PARD3B: variants seen among roughly 807,000 people sequenced by gnomAD.
PARD3B encodes the protein par-3 family cell polarity regulator beta, also known as partitioning defective 3 homolog B.
In PARD3B, 103 loss-of-function variants were observed where a neutral mutation model predicts 130.2. The observed-to-expected ratio is 0.79, with a 90% CI of 0.67 to 0.93. The LOEUF is 0.93. PARD3B is among the 40% of genes least tolerant of loss of function. PARD3B has a pLI of 0.00. For synonymous variants in PARD3B, 583 were observed against 553.2 expected (o/e 1.05, Z -0.76); for missense variants, 1,609 against 1,499.2 (o/e 1.07, Z -1.21).
intron 3 of PARD3B, among the ~76,000 whole-genome samples, chr2:204,978,347 T>C (rs374976664): frequency 5.2e-4 from 79 of 152,236 alleles, no homozygotes; most frequent in African/African-American, 1.9e-3. Flanking sequence ...GGAGTATCTC[T>C]ATTGGAATAT....
intron 1 of PARD3B, among the ~76,000 whole-genome samples, chr2:204,638,763 T>C (rs990317309): frequency 6.6e-5 from 10 of 152,216 alleles, no homozygotes; most frequent in African/African-American, 2.4e-4. Context: ...TGCTTTATCA[T>C]AGGATATCCT....
rs2031313298 is a variant in PARD3B at position 205,125,747 on chromosome 2, A to C, written c.1434+10A>C. The stretch of plus-strand genomic sequence containing the variant: ...TCTGCCCCGAGAGTTGGTAATGTTC[A>C]GATCTCAGTCTCACTGAATTTTTAA... On this transcript the variant is annotated intron_variant, in intron 10 of 22. Coordinates refer to ENST00000406610, the MANE Select transcript of PARD3B (RefSeq NM_001302769.2). The surrounding 1 kb of genome is among the most constrained non-coding windows in gnomAD (Gnocchi z 4.0). 2 of 1,613,772 alleles carry C rather than the reference A, an allele frequency of 1.2e-6. No homozygotes were observed. Among genetic ancestry groups the C allele is most frequent in the Non-Finnish European group, 1.7e-6 (2 of 1,179,850 alleles).
chr2:205,184,480 C>T (rs2035979503), intron 13 of PARD3B, among the ~76,000 whole-genome samples: 1 of 152,128 alleles, frequency 6.6e-6, no homozygotes, highest in Admixed American at 6.5e-5. Flanking sequence ...CGGTGGCTCA[C>T]GCCTGTAATC....
intron 4 of PARD3B, among the ~76,000 whole-genome samples, chr2:205,079,272 T>G (rs1014856009): frequency 5.3e-5 from 8 of 152,218 alleles, no homozygotes; most frequent in African/African-American, 1.9e-4. Context: ...ATTATTACCT[T>G]GTGTCTTAGT....
At chr2:204,602,678 G>C (rs1182688894) in intron 1 of PARD3B, among the ~76,000 whole-genome samples, 1 of 151,946 alleles carries the variant, frequency 6.6e-6, no homozygotes, top group Admixed American at 6.6e-5. Flanking sequence ...ATTGTGTAAA[G>C]GGCTCTGTGT....
intron 21 of PARD3B, among the ~76,000 whole-genome samples, chr2:205,512,874 ACCT>A (rs1242018008): frequency 6.6e-6 from 1 of 151,642 alleles, no homozygotes; most frequent in Non-Finnish European, 1.5e-5. Context: ...ATGTGGAGAC[ACCT>A]CCTTTTTTCT....
At chr2:204,927,291 G>A (rs1178959545) in intron 2 of PARD3B, among the ~76,000 whole-genome samples, 1 of 151,992 alleles carries the variant, frequency 6.6e-6, no homozygotes, top group Non-Finnish European at 1.5e-5. Context: ...AAGTCATGAG[G>A]GCAAAGCCCT....
intron 2 of PARD3B, among the ~76,000 whole-genome samples, chr2:204,724,027 C>A (rs2039112373): frequency 6.6e-6 from 1 of 152,104 alleles, no homozygotes; most frequent in Non-Finnish European, 1.5e-5. Context: ...GACCTTATGG[C>A]TAATGCCTTT....
At chr2:205,413,140 T>C (rs1005834949) in intron 19 of PARD3B, among the ~76,000 whole-genome samples, 7 of 152,168 alleles carry the variant, frequency 4.6e-5, no homozygotes, top group African/African-American at 1.7e-4. Context: ...GAGAAAACTT[T>C]CTGATCTTGA....
At position 205,160,628 on chromosome 2, in the gene PARD3B, A is replaced by G. The variant is rs1015349952; in HGVS notation, c.1620+1721A>G. On this transcript the variant is annotated intron_variant, in intron 11 of 22. Coordinates refer to ENST00000406610, the MANE Select transcript of PARD3B (RefSeq NM_001302769.2). This position sits in a 1 kb window ranked among gnomAD's most constrained non-coding sequence, Gnocchi z 4.0. Reference sequence around the variant, plus strand: ...CCATCTATAAAACTGGCTCAGAAATACATAAGCAGGAGCAAAAGCGAAATA... The same window carrying G: ...CCATCTATAAAACTGGCTCAGAAATGCATAAGCAGGAGCAAAAGCGAAATA... Among the ~76,000 whole-genome samples, 2 of 152,250 alleles carry G rather than the reference A, an allele frequency of 1.3e-5. No individual in the cohort carries two copies. The highest frequency in any genetic ancestry group is 4.8e-5 in the African/African-American group (2 of 41,462).
chr2:205,610,248 C>T (rs2055182083), intron 22 of PARD3B, among the ~76,000 whole-genome samples: 1 of 152,196 alleles, frequency 6.6e-6, no homozygotes, highest in African/African-American at 2.4e-5. Flanking sequence ...CCACCTTGAC[C>T]TCGGGTTCGT....
chr2:205,260,475 C>A (rs1223822176), intron 16 of PARD3B, among the ~76,000 whole-genome samples: 1 of 152,010 alleles, frequency 6.6e-6, no homozygotes, highest in African/African-American at 2.4e-5. Context: ...GTGACTTTTT[C>A]TTTATAAGTT....
At chr2:204,620,626 T>C (rs942362119) in intron 1 of PARD3B, among the ~76,000 whole-genome samples, 1 of 152,148 alleles carries the variant, frequency 6.6e-6, no homozygotes, top group African/African-American at 2.4e-5. Context: ...GAGAAGGTGT[T>C]AGAGTCAAGT....
chr2:204,578,045 C>G (rs911747073), intron 1 of PARD3B, among the ~76,000 whole-genome samples: 1 of 152,204 alleles, frequency 6.6e-6, no homozygotes, highest in Non-Finnish European at 1.5e-5. Flanking sequence ...AAGGATGCCG[C>G]TAAACATCTT....
intron 2 of PARD3B, among the ~76,000 whole-genome samples, chr2:204,762,523 G>A (rs546783962): frequency 7.4e-4 from 112 of 152,200 alleles, no homozygotes; most frequent in Non-Finnish European, 1.2e-3. Flanking sequence ...TTTAAGCCTT[G>A]ATTCATCTAT....
intron 1 of PARD3B, among the ~76,000 whole-genome samples, chr2:204,592,789 G>T (rs1407168852): frequency 6.6e-5 from 10 of 152,098 alleles, no homozygotes; most frequent in Admixed American, 5.9e-4. Flanking sequence ...ATTCCCACCA[G>T]CCCTTGACAA....
In PARD3B at chr2:205,116,229, C is replaced by T. The variant is rs192580364; in HGVS notation, c.680+2652C>T. Among the ~76,000 whole-genome samples the T allele has an allele frequency of 1.2e-4, 18 of 152,246 alleles. No homozygotes were observed. The East Asian group carries it at 3.3e-3, about 28-fold the overall frequency. ...CAATGTGGTTTTTGTGAATTAAAAA[C>T]ATGAAATCTAATTCGTTTCAGTACA... On this transcript the variant is annotated intron_variant, in intron 6 of 22. Coordinates refer to ENST00000406610, the MANE Select transcript of PARD3B (RefSeq NM_001302769.2). The surrounding 1 kb of genome is among the most constrained non-coding windows in gnomAD (Gnocchi z 4.5).
In PARD3B at chr2:205,258,002, G is replaced by C; in HGVS notation, c.2185+12180G>C. Among the ~76,000 whole-genome samples, 1 of 152,104 alleles carries C rather than the reference G, an allele frequency of 6.6e-6. No homozygotes were observed. Among genetic ancestry groups the C allele is most frequent in the Non-Finnish European group, 1.5e-5 (1 of 68,016 alleles). Reference sequence around the variant, plus strand: ...TTCTTCAGTGCAAGAAATGTGCAAAGCTTCACCTTTTACTTACTATAAACT... The same window carrying C: ...TTCTTCAGTGCAAGAAATGTGCAAACCTTCACCTTTTACTTACTATAAACT... On this transcript the variant is annotated intron_variant, in intron 16 of 22. Coordinates refer to ENST00000406610, the MANE Select transcript of PARD3B (RefSeq NM_001302769.2). The surrounding 1 kb of genome is among the most constrained non-coding windows in gnomAD (Gnocchi z 4.9).
intron 2 of PARD3B, among the ~76,000 whole-genome samples, chr2:204,756,939 C>T (rs761144280): frequency 5.9e-5 from 9 of 151,958 alleles, no homozygotes; most frequent in Admixed American, 2.6e-4. Flanking sequence ...TTTGGAATCT[C>T]GTGTTTATTG....
Sources: gnomAD v4.1 joint callset for allele counts (sites outside exome capture counted in the v4.1 genomes callset) on GRCh38, gnomAD v4.1.1 for gene constraint, Gnocchi (gnomAD v3.1) non-coding constraint, MANE v1.5 for transcripts, NCBI Gene and HGNC (gene_info 2026-07-23, HGNC 2026-07-21) for gene names.